GPR89A: variants seen among roughly 807,000 people sequenced by gnomAD.
GPR89A encodes the protein golgi pH regulator A, also known as G protein-coupled receptor 89A.
A neutral mutation model predicts 52.0 loss-of-function variants in GPR89A; 16 were observed. The ratio of observed to expected loss-of-function variants is 0.31; its 90% CI spans 0.21 to 0.47. The LOEUF is 0.47. Among genes scored for constraint, GPR89A ranks in the 20% least tolerant of loss-of-function variants. The probability of loss-of-function intolerance (pLI) is 1.00; values close to 1 mark genes in which losing one functional copy is unlikely to be tolerated. For synonymous variants in GPR89A, 55 were observed against 150.9 expected (o/e 0.36, Z 4.66); for missense variants, 135 against 449.4 (o/e 0.30, Z 6.33).
chr1:145,663,615 G>A (rs1652357567), intron 11 of GPR89A, among the ~76,000 whole-genome samples, 191 bp downstream of exon 11: 1 of 152,038 alleles, frequency 6.6e-6, no homozygotes, highest in South Asian at 2.1e-4. Flanking sequence ...ATTTGTAAAA[G>A]GCCAAGATTC....
intron 7 of GPR89A, among the ~76,000 whole-genome samples, chr1:145,634,076 A>G (rs1329037615): frequency 1.1e-4 from 5 of 47,438 alleles, no homozygotes; most frequent in Non-Finnish European, 1.6e-4. Context: ...AATATTGTCT[A>G]TTGTGTTTTT....
chr1:145,669,715 G>A lies in GPR89A; in HGVS notation c.1161+25G>A, dbSNP rs587611472. The A allele has an allele frequency of 5.0e-6, 8 of 1,611,494 alleles. 1 individual carries two copies. The African/African-American group carries it at 1.1e-4, about 22-fold the overall frequency. On this transcript the variant is annotated intron_variant, in intron 13 of 13. Coordinates refer to ENST00000313835, the MANE Select transcript of GPR89A (RefSeq NM_001097612.2). ...GGTAAGTTTAATTAGTTACCTTTAT[G>A]TTTACAGCTGTAAAATATCAGAAAT... is the stretch of plus-strand genomic sequence containing the variant.
chr1:145,652,168 CCA>C (rs1246671841), intron 10 of GPR89A, among the ~76,000 whole-genome samples: 1 of 136,162 alleles, frequency 7.3e-6, no homozygotes, highest in Non-Finnish European at 1.6e-5. Context: ...GAGGTATGTT[CCA>C]TCAATACCTA....
chr1:145,614,240 G>A (rs1648504501), intron 1 of GPR89A, among the ~76,000 whole-genome samples: 3 of 152,014 alleles, frequency 2.0e-5, no homozygotes, highest in South Asian at 2.1e-4. Flanking sequence ...AACTTCCTTC[G>A]GCTCGGGCAT....
chr1:145,609,273 C>T lies in GPR89A; in HGVS notation c.42+1098C>T, dbSNP rs187563787. ...GTTTTTGTATTGCTTCATCCTAATA[C>T]TCGTCTCCGTAGAGCGGAGCATTGT... On this transcript the variant is annotated intron_variant, in intron 1 of 13. Coordinates refer to ENST00000313835, the MANE Select transcript of GPR89A (RefSeq NM_001097612.2). Among the ~76,000 whole-genome samples the T allele has an allele frequency of 1.7e-3, 257 of 152,284 alleles. 2 individuals are homozygous for T. Among genetic ancestry groups the T allele is most frequent in the African/African-American group, 6.0e-3 (250 of 41,550 alleles).
intron 7 of GPR89A, among the ~76,000 whole-genome samples, chr1:145,636,134 A>G (rs1433061796): frequency 6.6e-6 from 1 of 152,128 alleles, no homozygotes; most frequent in African/African-American, 2.4e-5. Flanking sequence ...AGTAAGTTTT[A>G]TTAATTTGAG....
chr1:145,650,501 A>T (rs1553693364), intron 10 of GPR89A, among the ~76,000 whole-genome samples: 3 of 151,626 alleles, frequency 2.0e-5, no homozygotes. Context: ...GTATATACCC[A>T]GTAATGGGAT....
intron 5 of GPR89A, among the ~76,000 whole-genome samples, chr1:145,629,175 G>T (rs587675162): frequency 2.0e-5 from 3 of 152,096 alleles, no homozygotes; most frequent in Non-Finnish European, 2.9e-5. Context: ...CACATATAAG[G>T]ATGAGACAGT....
intron 10 of GPR89A, among the ~76,000 whole-genome samples, chr1:145,660,122 G>A (rs1380802915): frequency 7.9e-5 from 12 of 151,912 alleles, no homozygotes; most frequent in South Asian, 6.2e-4. Context: ...CATTGGCACC[G>A]AACAGAGCCC....
Position 145,670,380 on chromosome 1 carries a change from A to T in GPR89A, c.*340A>T. 1 of 583,876 alleles carries T rather than the reference A, an allele frequency of 1.7e-6. No individual in the cohort carries two copies. The highest frequency in any genetic ancestry group is 2.8e-6 in the Non-Finnish European group (1 of 361,632). 36.2% of individuals were successfully genotyped at this position (583,876 alleles called of 1,614,324 possible). A position where few individuals can be genotyped will look rare whatever the true frequency, so the allele number is the denominator to read the frequency against. On this transcript the variant is annotated 3_prime_UTR_variant, in exon 14 of 14. Transcript: ENST00000313835. ...CATGTCTATGGTAGCTGAGCCAAAC[A>T]CGTAGGATTTCCGTTTTAAGGTTCA...
chr1:145,668,727 C>T (rs1227470830), intron 12 of GPR89A, among the ~76,000 whole-genome samples: 3 of 151,972 alleles, frequency 2.0e-5, no homozygotes, highest in Non-Finnish European at 4.4e-5. Flanking sequence ...ATAGCTCTTA[C>T]GATTTCGAGA....
intron 12 of GPR89A, among the ~76,000 whole-genome samples, chr1:145,666,445 T>C (rs1652554865): frequency 6.6e-6 from 1 of 152,174 alleles, no homozygotes; most frequent in Non-Finnish European, 1.5e-5. Flanking sequence ...AACATTTCAT[T>C]ATAATGCTGT....
intron 10 of GPR89A, among the ~76,000 whole-genome samples, chr1:145,658,151 T>TGGCTTC (rs1651937809): frequency 6.6e-6 from 1 of 151,788 alleles, no homozygotes; most frequent in Non-Finnish European, 1.5e-5. Flanking sequence ...CTTCTCTCAT[T>TGGCTTC]TAGCATAATG....
chr1:145,633,896 A>G (rs1338849005), intron 7 of GPR89A, among the ~76,000 whole-genome samples: 1 of 150,522 alleles, frequency 6.6e-6, no homozygotes, highest in Non-Finnish European at 1.5e-5. Context: ...CATCCCACTT[A>G]AAATAGCTAC....
intron 1 of GPR89A, among the ~76,000 whole-genome samples, chr1:145,615,777 A>G (rs1648639549): frequency 6.6e-6 from 1 of 151,094 alleles, no homozygotes; most frequent in African/African-American, 2.4e-5. Flanking sequence ...AGGTGCCCAC[A>G]CCCAGCTAAT....
chr1:145,608,193 G>T lies in GPR89A; in HGVS notation c.42+18G>T, dbSNP rs1213013387. 1.9e-6 allele frequency: 3 copies of T among 1,613,688 alleles called. No homozygotes were observed. The highest frequency in any genetic ancestry group is 2.2e-5 in the East Asian group (1 of 44,884). On this transcript the variant is annotated intron_variant, in intron 1 of 13. Coordinates refer to ENST00000313835, the MANE Select transcript of GPR89A (RefSeq NM_001097612.2). ...CCTCCCAGGTGAGTCACCGCCTCCC[G>T]CCCCGACACCCGTCCGCCTCCCTTT... is the stretch of plus-strand genomic sequence containing the variant.
chr1:145,656,406 A>G (rs1199202711), intron 10 of GPR89A, among the ~76,000 whole-genome samples: 2 of 151,788 alleles, frequency 1.3e-5, no homozygotes, highest in East Asian at 3.9e-4. Flanking sequence ...TGGGGGTGGG[A>G]ACTCCCCTTG....
intron 1 of GPR89A, 81 bp downstream of exon 1, chr1:145,608,256 G>A (rs1283555622): frequency 6.3e-6 from 10 of 1,575,272 alleles, no homozygotes; most frequent in Non-Finnish European, 8.7e-6. Context: ...GGTGCGGGCT[G>A]GTCCGGGGTC....
At chr1:145,632,700 G>A (rs1170859794) in intron 7 of GPR89A, among the ~76,000 whole-genome samples, 2 of 152,156 alleles carry the variant, frequency 1.3e-5, no homozygotes, top group African/African-American at 4.8e-5. Context: ...ATACTGCAGT[G>A]AACATAGGTG....
Sources: gnomAD v4.1 joint callset for allele counts (sites outside exome capture counted in the v4.1 genomes callset) on GRCh38, gnomAD v4.1.1 for gene constraint, MANE v1.5 for transcripts, NCBI Gene and HGNC (gene_info 2026-07-23, HGNC 2026-07-21) for gene names.